Variants in ZNF804A observed in about 807,000 individuals in gnomAD.
ZNF804A encodes zinc finger protein 804A.
ZNF804A carries 2 observed loss-of-function variants against 16.5 expected under a neutral mutation model. The observed-to-expected ratio is 0.12, with a 90% CI of 0.05 to 0.38. ZNF804A has a LOEUF of 0.38. Ranked by LOEUF, ZNF804A falls within the 10% of genes least tolerant of loss-of-function variation. The pLI is 0.99. For missense variants in ZNF804A, 1,473 were observed against 1,390.7 expected, an observed-to-expected ratio of 1.06 and a Z score of -0.94; for synonymous variants, 534 against 489.6, an observed-to-expected ratio of 1.09 and a Z score of -1.20.
At chr2:184,645,217 G>C (rs886939516) in intron 1 of ZNF804A, among the ~76,000 whole-genome samples, 1 of 151,918 alleles carries the variant, frequency 6.6e-6, no homozygotes, top group Non-Finnish European at 1.5e-5. Context: ...CCATTTCAAC[G>C]TTTTGTCTTC....
intron 1 of ZNF804A, among the ~76,000 whole-genome samples, chr2:184,846,682 A>G (rs934075930): frequency 6.6e-6 from 1 of 152,054 alleles, no homozygotes; most frequent in African/African-American, 2.4e-5. Context: ...AAAATATACT[A>G]TCCTTCAGAT....
chr2:184,687,198 A>G (rs1348308756), intron 1 of ZNF804A, among the ~76,000 whole-genome samples: 1 of 152,156 alleles, frequency 6.6e-6, no homozygotes, highest in Non-Finnish European at 1.5e-5. Flanking sequence ...TAGTTTTTGC[A>G]TATGGTGAAA....
intron 1 of ZNF804A, among the ~76,000 whole-genome samples, chr2:184,693,314 G>T (rs1277562117): frequency 6.6e-6 from 1 of 152,000 alleles, no homozygotes; most frequent in East Asian, 1.9e-4. Context: ...ACCATATATG[G>T]CATACACCTC....
intron 1 of ZNF804A, among the ~76,000 whole-genome samples, chr2:184,862,063 A>G (rs1479634256): frequency 6.6e-6 from 1 of 152,196 alleles, no homozygotes; most frequent in Non-Finnish European, 1.5e-5. Context: ...GACACAGTAC[A>G]GAAACTGTGC....
At chr2:184,677,057 C>T (rs1347123994) in intron 1 of ZNF804A, among the ~76,000 whole-genome samples, 1 of 123,180 alleles carries the variant, frequency 8.1e-6, no homozygotes, top group African/African-American at 3.3e-5. Context: ...AGCAGTAGAA[C>T]AAAAAAGAAA....
At chr2:184,819,605 C>T (rs908885296) in intron 1 of ZNF804A, among the ~76,000 whole-genome samples, 2 of 151,146 alleles carry the variant, frequency 1.3e-5, no homozygotes, top group Non-Finnish European at 3.0e-5. Context: ...CACGAAGAAC[C>T]CTTCAAAAAA....
chr2:184,834,953 A>T (rs1443880379), intron 1 of ZNF804A, among the ~76,000 whole-genome samples: 1 of 152,172 alleles, frequency 6.6e-6, no homozygotes, highest in Non-Finnish European at 1.5e-5. Flanking sequence ...TATGTAAGTC[A>T]TATGTAAGTC....
intron 1 of ZNF804A, among the ~76,000 whole-genome samples, chr2:184,730,533 C>A (rs1693497401): frequency 2.0e-5 from 3 of 152,210 alleles, no homozygotes; most frequent in Admixed American, 2.0e-4. Flanking sequence ...CTGTATTCAA[C>A]CTTCCCTTTC....
intron 1 of ZNF804A, among the ~76,000 whole-genome samples, chr2:184,722,083 G>T (rs1355391102): frequency 6.6e-6 from 1 of 151,996 alleles, no homozygotes; most frequent in Non-Finnish European, 1.5e-5. Context: ...ACTCTGAGAA[G>T]AGTGTGTGGG....
At position 184,937,055 on chromosome 2, in the gene ZNF804A, T is replaced by C; in HGVS notation, c.1659T>C (p.Cys553=). 1 of 1,606,684 alleles carries C rather than the reference T, an allele frequency of 6.2e-7. No homozygotes were observed. ...NTGQRYKNIS[C]KIRETEKYNF... ...GTCAGAGGTATAAAAACATTTCCTG[T>C]AAGATCAGAGAAACAGAAAAGTATA... The change falls in exon 4 of 4, where the codon TGT becomes TGC. Residue 553 remains cysteine, a synonymous_variant. Coordinates refer to ENST00000302277, the MANE Select transcript of ZNF804A (RefSeq NM_194250.2).
At chr2:184,648,292 C>T (rs527924211) in intron 1 of ZNF804A, among the ~76,000 whole-genome samples, 14 of 152,070 alleles carry the variant, frequency 9.2e-5, no homozygotes, top group South Asian at 8.3e-4. Context: ...AAATAATACC[C>T]GCTACTACAA....
chr2:184,924,504 C>T (rs776177095), intron 2 of ZNF804A, among the ~76,000 whole-genome samples: 1 of 151,102 alleles, frequency 6.6e-6, no homozygotes, highest in Non-Finnish European at 1.5e-5. Flanking sequence ...TTTAAAAAAA[C>T]CTTCTTTTTA....
intron 1 of ZNF804A, among the ~76,000 whole-genome samples, chr2:184,821,231 A>G (rs1409132705): frequency 6.6e-6 from 1 of 152,148 alleles, no homozygotes. Flanking sequence ...GACCAATGGA[A>G]CAAAATAGAT....
At chr2:184,803,869 G>T (rs951524577) in intron 1 of ZNF804A, among the ~76,000 whole-genome samples, 6 of 150,842 alleles carry the variant, frequency 4.0e-5, no homozygotes, top group Non-Finnish European at 4.4e-5. Context: ...TTTTTTTTTG[G>T]GGGGGAGGGG....
At chr2:184,735,569 A>G (rs1693593965) in intron 1 of ZNF804A, among the ~76,000 whole-genome samples, 1 of 152,218 alleles carries the variant, frequency 6.6e-6, no homozygotes. Context: ...CTGCACATGT[A>G]TCCCAGAACT....
In ZNF804A at chr2:184,937,196, A is replaced by G; in HGVS notation, c.1800A>G (p.Lys600=). ...AAAGTAGAAGAAAGAAAAAAAGAAA[A>G]AAGTTATGTCAGCATCATCATATGG... ...FHKSRRKKKR[K]KLCQHHHMEK... The change falls in exon 4 of 4, where the codon AAA becomes AAG. Residue 600 remains lysine, a synonymous_variant. Coordinates refer to ENST00000302277, the MANE Select transcript of ZNF804A (RefSeq NM_194250.2). The G allele has an allele frequency of 6.3e-7, 1 of 1,596,122 alleles. No homozygotes were observed. Among genetic ancestry groups the G allele is most frequent in the East Asian group, 2.2e-5 (1 of 44,750 alleles).
At chr2:184,842,949 C>T (rs1466180224) in intron 1 of ZNF804A, among the ~76,000 whole-genome samples, 1 of 152,138 alleles carries the variant, frequency 6.6e-6, no homozygotes, top group Non-Finnish European at 1.5e-5. Context: ...ACTGTTTCTA[C>T]TAAGGGATAC....
chr2:184,854,064 T>A (rs1654534234), intron 1 of ZNF804A, among the ~76,000 whole-genome samples: 1 of 151,840 alleles, frequency 6.6e-6, no homozygotes, highest in African/African-American at 2.4e-5. Flanking sequence ...ATGGGAGACT[T>A]CTTATTTAAT....
chr2:184,838,342 G>C (rs1345397661), intron 1 of ZNF804A, among the ~76,000 whole-genome samples: 6 of 151,986 alleles, frequency 3.9e-5, no homozygotes, highest in African/African-American at 1.4e-4. Flanking sequence ...AGGTTAAACT[G>C]TCTGTGCCTC....
Sources: gnomAD v4.1 joint callset for allele counts (sites outside exome capture counted in the v4.1 genomes callset) on GRCh38, gnomAD v4.1.1 for gene constraint, MANE v1.5 for transcripts, NCBI Gene and HGNC (gene_info 2026-07-23, HGNC 2026-07-21) for gene names.